The following MYO3B variants were observed in gnomAD, a reference collection of about 807,000 sequenced individuals.
MYO3B encodes myosin IIIB.
In MYO3B, 156 loss-of-function variants were observed where a neutral mutation model predicts 174.6. The ratio of observed to expected loss-of-function variants is 0.89; its 90% CI spans 0.78 to 1.02. MYO3B has a LOEUF of 1.02. Ranked by LOEUF, MYO3B falls within the 50% of genes least tolerant of loss-of-function variation. The pLI, the probability that MYO3B is intolerant of heterozygous loss-of-function variation, is 0.00. For synonymous variants in MYO3B, 563 were observed against 569.1 expected (o/e 0.99, Z 0.15); for missense variants, 1,632 against 1,639.4 (o/e 1.00, Z 0.08).
chr2:170,504,692 C>T (rs1263631548), intron 28 of MYO3B, among the ~76,000 whole-genome samples: 2 of 152,168 alleles, frequency 1.3e-5, no homozygotes, highest in East Asian at 1.9e-4. Flanking sequence ...TCCTTGTTAT[C>T]GGGCCCTCCT....
At chr2:170,387,371 T>C in intron 14 of MYO3B, 63 bp downstream of exon 14, 1 of 1,451,938 alleles carries the variant, frequency 6.9e-7, no homozygotes, top group East Asian at 2.3e-5. Context: ...ACTTTGGAAA[T>C]TTTAATGGTT....
intron 29 of MYO3B, among the ~76,000 whole-genome samples, chr2:170,517,648 G>C (rs564157593): frequency 1.6e-4 from 24 of 152,270 alleles, no homozygotes; most frequent in African/African-American, 5.5e-4. Flanking sequence ...AGAGAACAAG[G>C]TTAAAAATTA....
chr2:170,528,401 G>A (rs536327842), intron 30 of MYO3B, among the ~76,000 whole-genome samples: 1 of 152,204 alleles, frequency 6.6e-6, no homozygotes, highest in Non-Finnish European at 1.5e-5. Flanking sequence ...ACACTTCAAG[G>A]CAAAATTTTA....
At chr2:170,633,006 G>C (rs1697143993) in intron 32 of MYO3B, among the ~76,000 whole-genome samples, 1 of 152,096 alleles carries the variant, frequency 6.6e-6, no homozygotes, top group Admixed American at 6.5e-5. Flanking sequence ...AAAAGTCCAG[G>C]GTCAGACAGA....
At chr2:170,476,081 C>A (rs909723253) in intron 25 of MYO3B, among the ~76,000 whole-genome samples, 1 of 152,134 alleles carries the variant, frequency 6.6e-6, no homozygotes, top group South Asian at 2.1e-4. Context: ...TGTCCCCCCC[C>A]ACAGGACATG....
intron 6 of MYO3B, among the ~76,000 whole-genome samples, chr2:170,232,228 G>A (rs1017342617): frequency 1.3e-5 from 2 of 152,158 alleles, no homozygotes; most frequent in South Asian, 2.1e-4. Context: ...TAGAGACAAG[G>A]AGAATGTTGA....
At chr2:170,514,061 C>T (rs1177882292) in intron 28 of MYO3B, among the ~76,000 whole-genome samples, 1 of 152,162 alleles carries the variant, frequency 6.6e-6, no homozygotes, top group African/African-American at 2.4e-5. Context: ...GAGATGGGGA[C>T]AGGGTTATTG....
chr2:170,569,442 A>G lies in MYO3B; in HGVS notation c.3733+25454A>G, dbSNP rs547822413. On this transcript the variant is annotated intron_variant, in intron 32 of 34. Transcript: ENST00000408978. ...TGGACCTGAACTTGAATTGTATGCT[A>G]ATTCATAAGCAGAAGAGCCATTTCC... is the stretch of plus-strand genomic sequence containing the variant. Among the ~76,000 whole-genome samples, 7 of 152,288 alleles carry G rather than the reference A, an allele frequency of 4.6e-5. No homozygotes were observed. The East Asian group carries it at 1.3e-3, about 29-fold the overall frequency.
chr2:170,638,107 T>TCACA (rs139110015), intron 32 of MYO3B, among the ~76,000 whole-genome samples: 79,394 of 148,944 alleles, frequency 0.53, 22,168 homozygotes, highest in Non-Finnish European at 0.65. Context: ...TCTCTCTCTC[T>TCACA]CTCACACACA....
chr2:170,588,770 A>T (rs1481911034), intron 32 of MYO3B, among the ~76,000 whole-genome samples: 4 of 152,214 alleles, frequency 2.6e-5, no homozygotes, highest in Admixed American at 6.5e-5. Context: ...GCTGAGGAAG[A>T]CACTGAGAAA....
intron 1 of MYO3B, among the ~76,000 whole-genome samples, chr2:170,192,449 T>C (rs1034770293): frequency 1.3e-5 from 2 of 151,266 alleles, no homozygotes; most frequent in Non-Finnish European, 3.0e-5. Flanking sequence ...TTTATTTGTG[T>C]TTTCCTCTTT....
intron 7 of MYO3B, among the ~76,000 whole-genome samples, chr2:170,262,975 G>A (rs2093356346): frequency 6.6e-6 from 1 of 152,100 alleles, no homozygotes; most frequent in Non-Finnish European, 1.5e-5. Context: ...CGTTACCAAT[G>A]ATCATTTGAT....
At chr2:170,545,535 T>G (rs1336487758) in intron 32 of MYO3B, among the ~76,000 whole-genome samples, 1 of 152,230 alleles carries the variant, frequency 6.6e-6, no homozygotes, top group Non-Finnish European at 1.5e-5. Flanking sequence ...GCATTAAGTT[T>G]TGGTGTGATA....
intron 7 of MYO3B, among the ~76,000 whole-genome samples, chr2:170,270,337 A>G (rs1366208191): frequency 6.6e-6 from 1 of 152,156 alleles, no homozygotes; most frequent in East Asian, 1.9e-4. Context: ...AAATAGTACT[A>G]GAGTTTGGAT....
intron 7 of MYO3B, among the ~76,000 whole-genome samples, chr2:170,241,297 G>T (rs2093130191): frequency 6.6e-6 from 1 of 152,158 alleles, no homozygotes; most frequent in South Asian, 2.1e-4. Context: ...TGCATTATTA[G>T]ATTTTTGTGG....
At chr2:170,447,000 A>G (rs2094847248) in intron 23 of MYO3B, among the ~76,000 whole-genome samples, 1 of 152,184 alleles carries the variant, frequency 6.6e-6, no homozygotes, top group South Asian at 2.1e-4. Flanking sequence ...GTGTCCCTAT[A>G]TGACATTCCT....
intron 32 of MYO3B, among the ~76,000 whole-genome samples, chr2:170,603,090 CA>C (rs143598500): frequency 0.031 from 4,638 of 151,102 alleles, 263 homozygotes; most frequent in African/African-American, 0.11. Flanking sequence ...AAACAAAAAA[CA>C]AAAAAAAACT....
At chr2:170,383,911 G>A (rs898713033) in intron 12 of MYO3B, 97 bp downstream of exon 12, 30 of 994,298 alleles carry the variant, frequency 3.0e-5, no homozygotes, top group Middle Eastern at 4.2e-4. Flanking sequence ...TTTCCATTCC[G>A]GTTGCTGGTG....
At chr2:170,413,482 G>C (rs960251394) in intron 22 of MYO3B, among the ~76,000 whole-genome samples, 1 of 152,112 alleles carries the variant, frequency 6.6e-6, no homozygotes, top group Non-Finnish European at 1.5e-5. Flanking sequence ...TGAGTGGTGG[G>C]GCTGTGCTCT....
Sources: gnomAD v4.1 joint callset for allele counts (sites outside exome capture counted in the v4.1 genomes callset) on GRCh38, gnomAD v4.1.1 for gene constraint, MANE v1.5 for transcripts, NCBI Gene and HGNC (gene_info 2026-07-23, HGNC 2026-07-21) for gene names.